The following B3GALT1 variants were observed in gnomAD, a reference collection of about 807,000 sequenced individuals.
The protein encoded by B3GALT1 is beta-1,3-galactosyltransferase 1, also known as UDP-Gal:betaGlcNAc beta 1,3-galactosyltransferase, polypeptide 1.
Under a neutral mutation model 23.2 loss-of-function variants are expected in B3GALT1, and 10 were observed. That is an observed-to-expected ratio of 0.43 (90% CI 0.27 to 0.73). The LOEUF (loss-of-function observed/expected upper bound fraction) is 0.73. Among genes scored for constraint, B3GALT1 ranks in the 30% least tolerant of loss-of-function variants. The pLI is 0.21. For missense variants in B3GALT1, 299 were observed against 405.4 expected (o/e 0.74, Z 2.25); for synonymous variants, 156 against 141.5 (o/e 1.10, Z -0.73).
chr2:167,779,403 C>A (rs1688211891), intron 3 of B3GALT1, among the ~76,000 whole-genome samples: 1 of 152,146 alleles, frequency 6.6e-6, no homozygotes, highest in African/African-American at 2.4e-5. Flanking sequence ...TATTTTAAGG[C>A]CGACAGATTT....
At chr2:167,576,452 A>G (rs552981561) in intron 2 of B3GALT1, among the ~76,000 whole-genome samples, 1 of 151,528 alleles carries the variant, frequency 6.6e-6, no homozygotes, top group South Asian at 2.1e-4. Flanking sequence ...GGCTAAGGAG[A>G]ATTTTTTAGT....
chr2:167,717,872 CTG>C (rs1261252668), intron 3 of B3GALT1, among the ~76,000 whole-genome samples: 1 of 152,206 alleles, frequency 6.6e-6, no homozygotes, highest in Non-Finnish European at 1.5e-5. Context: ...GTCTATCCGT[CTG>C]TCTCTATGCA....
chr2:167,565,331 C>T (rs1428804808), intron 2 of B3GALT1, among the ~76,000 whole-genome samples: 4 of 152,208 alleles, frequency 2.6e-5, no homozygotes, highest in Admixed American at 2.6e-4. Context: ...TGGATCCCTT[C>T]CTTACACCTT....
intron 3 of B3GALT1, among the ~76,000 whole-genome samples, chr2:167,727,441 T>G (rs1389639364): frequency 1.3e-5 from 2 of 152,144 alleles, no homozygotes; most frequent in Non-Finnish European, 2.9e-5. Flanking sequence ...AAAATAGACC[T>G]TTGGGGTGTC....
chr2:167,771,186 G>A (rs1688066452), intron 3 of B3GALT1, among the ~76,000 whole-genome samples: 1 of 152,188 alleles, frequency 6.6e-6, no homozygotes, highest in South Asian at 2.1e-4. Flanking sequence ...AGGATTAAAT[G>A]TGGTAACGTG....
chr2:167,388,700 C>T (rs73021736), intron 1 of B3GALT1, among the ~76,000 whole-genome samples: 6 of 152,204 alleles, frequency 3.9e-5, no homozygotes, highest in South Asian at 2.1e-4. Flanking sequence ...CTTAATGCTT[C>T]GCCTCACCCC....
At chr2:167,556,771 C>A (rs1683860520) in intron 2 of B3GALT1, among the ~76,000 whole-genome samples, 1 of 152,138 alleles carries the variant, frequency 6.6e-6, no homozygotes, top group Non-Finnish European at 1.5e-5. Flanking sequence ...AATGAACATT[C>A]TAGGTATGTA....
rs1690302307 is a variant in B3GALT1 at position 167,869,602 on chromosome 2, T to C, written c.563T>C (p.Ile188Thr). The C allele has an allele frequency of 6.2e-7, 1 of 1,614,096 alleles. No homozygotes were observed. The highest frequency in any genetic ancestry group is 1.7e-5 in the Admixed American group (1 of 60,004). ...SDIFVNMDNL[I>T]YKLLKPSTKP... ...ATTTTTGTAAACATGGACAATCTTA[T>C]TTATAAATTACTGAAACCCTCCACC... The change falls in exon 5 of 5, where the codon ATT becomes ACT. Residue 188 changes from isoleucine (I) to threonine (T), a missense_variant. Around this residue, in one of 3 missense-constraint regions of B3GALT1, gnomAD observed 133 missense variants for 204.8 expected, o/e 0.65. Coordinates refer to ENST00000392690, the MANE Select transcript of B3GALT1 (RefSeq NM_020981.4). The surrounding 1 kb of genome is among the most constrained non-coding windows in gnomAD (Gnocchi z 6.4).
intron 1 of B3GALT1, among the ~76,000 whole-genome samples, chr2:167,346,312 A>G (rs1474880690): frequency 6.6e-6 from 1 of 152,100 alleles, no homozygotes; most frequent in East Asian, 1.9e-4. Context: ...TCTAAGATAA[A>G]TGTTTTAATT....
At chr2:167,836,260 A>C (rs1244875508) in intron 4 of B3GALT1, among the ~76,000 whole-genome samples, 1 of 152,224 alleles carries the variant, frequency 6.6e-6, no homozygotes, top group Non-Finnish European at 1.5e-5. Flanking sequence ...ACCAAAGGCA[A>C]AGAAGTTAAA....
chr2:167,800,961 T>A (rs1256048734), intron 3 of B3GALT1, among the ~76,000 whole-genome samples: 1 of 152,188 alleles, frequency 6.6e-6, no homozygotes. Flanking sequence ...ACATGAGAAA[T>A]GATTTCAAAA....
chr2:167,868,543 A>ATGAC (rs1690279278), intron 4 of B3GALT1, among the ~76,000 whole-genome samples: 1 of 152,060 alleles, frequency 6.6e-6, no homozygotes, highest in South Asian at 2.1e-4. Flanking sequence ...TTATTTAAAA[A>ATGAC]TGACTAATGT....
chr2:167,593,754 C>A (rs947810254), intron 2 of B3GALT1, among the ~76,000 whole-genome samples: 29 of 152,124 alleles, frequency 1.9e-4, no homozygotes, highest in Admixed American at 1.6e-3. Flanking sequence ...GGGTGATGGG[C>A]GGTGCAGTTC....
At chr2:167,467,429 T>C (rs930961118) in intron 1 of B3GALT1, among the ~76,000 whole-genome samples, 6 of 152,112 alleles carry the variant, frequency 3.9e-5, no homozygotes. Context: ...CACATCAAGA[T>C]TTTTAGAAGA....
intron 1 of B3GALT1, among the ~76,000 whole-genome samples, chr2:167,368,651 G>A (rs1425536645): frequency 2.0e-5 from 3 of 152,198 alleles, no homozygotes; most frequent in Non-Finnish European, 4.4e-5. Flanking sequence ...AGATTACAGA[G>A]AGGAATCACA....
intron 1 of B3GALT1, among the ~76,000 whole-genome samples, chr2:167,388,559 A>G (rs1459756733): frequency 6.6e-6 from 1 of 152,176 alleles, no homozygotes; most frequent in Non-Finnish European, 1.5e-5. Flanking sequence ...CCTGAGGGTA[A>G]ATATTCGTCC....
At chr2:167,800,731 A>C (rs866215923) in intron 3 of B3GALT1, among the ~76,000 whole-genome samples, 3 of 152,176 alleles carry the variant, frequency 2.0e-5, no homozygotes, top group Admixed American at 6.5e-5. Context: ...AACCAAAAAA[A>C]GTCTGTTGAT....
rs141160242 is a variant in B3GALT1 at position 167,868,923 on chromosome 2, C to G, written c.-117C>G. On this transcript the variant is annotated 5_prime_UTR_variant, in exon 5 of 5. Transcript: ENST00000392690. Reference sequence around the variant, plus strand: ...AGGCCCATGGACAATCTCCACCTCACGCTTCTCTATCAAACTTGAAGATTT... The same window carrying G: ...AGGCCCATGGACAATCTCCACCTCAGGCTTCTCTATCAAACTTGAAGATTT... 3.8e-3 allele frequency: 4,800 copies of G among 1,262,404 alleles called. 11 individuals are homozygous for G. The highest frequency in any genetic ancestry group is 4.6e-3 in the Non-Finnish European group (4,206 of 915,238). 78.2% of individuals were successfully genotyped at this position (1,262,404 alleles called of 1,614,324 possible). A position where few individuals can be genotyped will look rare whatever the true frequency, so the allele number is the denominator to read the frequency against.
At chr2:167,450,667 T>C (rs1699074879) in intron 1 of B3GALT1, among the ~76,000 whole-genome samples, 2 of 152,208 alleles carry the variant, frequency 1.3e-5, no homozygotes, top group Non-Finnish European at 2.9e-5. Context: ...GATGAGAATG[T>C]GCCTAGGCAA....
Sources: allele counts gnomAD v4.1 joint callset (sites outside exome capture counted in the v4.1 genomes callset), GRCh38; gene constraint gnomAD v4.1.1; regional missense constraint gnomAD v4.1.1; non-coding constraint Gnocchi (gnomAD v3.1); transcripts MANE v1.5; gene names NCBI Gene and HGNC (gene_info 2026-07-23, HGNC 2026-07-21).